The following TCF25 variants were observed in gnomAD, a reference collection of about 807,000 sequenced individuals.
The protein encoded by TCF25 is ribosome quality control complex subunit TCF25.
Under a neutral mutation model 83.1 loss-of-function variants are expected in TCF25, and 41 were observed. That is an observed-to-expected ratio of 0.49 (90% CI 0.38 to 0.64). TCF25 has a LOEUF of 0.64. Among genes scored for constraint, TCF25 ranks in the 30% least tolerant of loss-of-function variants. The pLI, the probability that TCF25 is intolerant of heterozygous loss-of-function variation, is 0.00. For synonymous variants in TCF25, 458 were observed against 365.0 expected, an observed-to-expected ratio of 1.25 and a Z score of -2.90; for missense variants, 979 against 914.5, an observed-to-expected ratio of 1.07 and a Z score of -0.91.
chr16:89,889,156 G>A, intron 5 of TCF25: 1 of 367,062 alleles, frequency 2.7e-6, no homozygotes, highest in Non-Finnish European at 5.2e-6. Flanking sequence ...TCCACCTCTG[G>A]ACTCTCCATC....
At chr16:89,887,148 C>G (rs1399160427) in intron 4 of TCF25, among the ~76,000 whole-genome samples, 1 of 152,102 alleles carries the variant, frequency 6.6e-6, no homozygotes, top group African/African-American at 2.4e-5. Context: ...ATTCTCTTGC[C>G]TCAGTCTCCC....
chr16:89,881,017 C>T (rs1268457860), intron 1 of TCF25, among the ~76,000 whole-genome samples: 2 of 152,320 alleles, frequency 1.3e-5, no homozygotes, highest in Non-Finnish European at 1.5e-5. Context: ...TCAGTGTTTT[C>T]AAGTTAGGGG....
chr16:89,875,878 C>T (rs1335318761), intron 1 of TCF25, among the ~76,000 whole-genome samples: 16 of 144,272 alleles, frequency 1.1e-4, no homozygotes, highest in African/African-American at 4.0e-4. Context: ...CGGTGTTGCC[C>T]AGGCTGGTTG....
Position 89,873,862 on chromosome 16 carries a change from G to A in TCF25, c.192+3G>A. 1 of 1,525,366 alleles carries A rather than the reference G, an allele frequency of 6.6e-7. No homozygotes were observed. Among genetic ancestry groups the A allele is most frequent in the South Asian group, 1.2e-5 (1 of 82,742 alleles). 94.5% of individuals were successfully genotyped at this position (1,525,366 alleles called of 1,614,324 possible). On this transcript the variant is annotated splice_donor_region_variant and intron_variant, in intron 1 of 17. Coordinates refer to ENST00000263346, the MANE Select transcript of TCF25 (RefSeq NM_014972.3). The stretch of plus-strand genomic sequence containing the variant: ...GAGTCAACAACCGCTTCGAGCTGGT[G>A]AGGAGCGCGGCGGCCCGGGTGGGGG...
Position 89,885,902 on chromosome 16 carries a change from G to A in TCF25, c.484G>A (p.Gly162Arg), listed in dbSNP as rs865799940. Residue 162 changes from glycine (G) to arginine (R), a missense_variant, in exon 4 of 18, where the codon GGG becomes AGG. By Grantham distance (125) the Gly-to-Arg change is moderately radical (BLOSUM62 -2). Coordinates refer to ENST00000263346, the MANE Select transcript of TCF25 (RefSeq NM_014972.3). ...RILERIEDST[G>R]LNRPGPAPLS... ...CCTAGAGAGGATTGAGGACAGCACT[G>A]GGTTGAACCGTCCCGGCCCAGCTCC... The A allele has an allele frequency of 6.2e-7, 1 of 1,613,794 alleles. No homozygotes were observed. Among genetic ancestry groups the A allele is most frequent in the Non-Finnish European group, 8.5e-7 (1 of 1,179,916 alleles).
At chr16:89,874,758 C>T (rs1357333774) in intron 1 of TCF25, 3 of 152,196 alleles carry the variant, frequency 2.0e-5, no homozygotes, top group Non-Finnish European at 4.4e-5. Context: ...AGGTGGATGT[C>T]ACCACGCCCG....
At chr16:89,883,260 G>A (rs964609267) in intron 1 of TCF25, 91 bp from the exon 2 acceptor site, 13 of 1,531,866 alleles carry the variant, frequency 8.5e-6, no homozygotes, top group East Asian at 2.3e-5. Context: ...GGTCCCCAAC[G>A]CAAGCCCGTT....
In TCF25 at chr16:89,887,697, G is replaced by A. The variant is rs1268672981; in HGVS notation, c.594G>A (p.Arg198=). 6.3e-7 allele frequency: 1 copy of A among 1,592,422 alleles called. No individual in the cohort carries two copies. Among genetic ancestry groups the A allele is most frequent in the Non-Finnish European group, 8.5e-7 (1 of 1,173,236 alleles). ...DTELKRYFGA[R]AILGEQRPRQ... The stretch of plus-strand genomic sequence containing the variant: ...AACTGAAAAGGTATTTTGGTGCCCG[G>A]GCAATCCTGGGGGAGCAAAGGTAAG... The change falls in exon 5 of 18, where the codon CGG becomes CGA. Residue 198 remains arginine (R), a synonymous_variant. Coordinates refer to ENST00000263346, the MANE Select transcript of TCF25 (RefSeq NM_014972.3).
At position 89,881,257 on chromosome 16, in the gene TCF25, A is replaced by T. The variant is rs529251843; in HGVS notation, c.193-2094A>T. On this transcript the variant is annotated intron_variant, in intron 1 of 17. Coordinates refer to ENST00000263346, the MANE Select transcript of TCF25 (RefSeq NM_014972.3). ...GTCTTCCCAGGTGCAGCCGAGTCTC[A>T]ATTCTGTTTCAGAAACTATCTCAGG... is the stretch of plus-strand genomic sequence containing the variant. Among the ~76,000 whole-genome samples, 23 of 152,156 alleles carry T rather than the reference A, an allele frequency of 1.5e-4. No homozygotes were observed. In the South Asian group the frequency reaches 4.6e-3, roughly 30 times the overall value.
intron 16 of TCF25, 98 bp from the exon 17 acceptor site, chr16:89,910,493 C>T: frequency 1.5e-6 from 2 of 1,307,508 alleles, no homozygotes; most frequent in East Asian, 4.6e-5. Flanking sequence ...CTCCGTGTCC[C>T]TGCGAGGGAG....
intron 1 of TCF25, among the ~76,000 whole-genome samples, chr16:89,882,517 A>G (rs980595047): frequency 8.6e-5 from 13 of 151,942 alleles, no homozygotes; most frequent in African/African-American, 3.1e-4. Context: ...AGCCTGGATG[A>G]CAGAGCGAGA....
At chr16:89,883,002 G>A (rs963071678) in intron 1 of TCF25, among the ~76,000 whole-genome samples, 2 of 152,236 alleles carry the variant, frequency 1.3e-5, no homozygotes, top group African/African-American at 4.8e-5. Flanking sequence ...GAACTTTAAT[G>A]CATTGGCTGA....
chr16:89,883,272 A>G lies in TCF25; in HGVS notation c.193-79A>G, dbSNP rs2042743275. On this transcript the variant is annotated intron_variant, in intron 1 of 17. Transcript: ENST00000263346. ...GGGGGTCCCCAACGCAAGCCCGTTCACATCTCACTATTCATATCTCAGCAT... is the reference window on the plus strand; with the variant it reads ...GGGGGTCCCCAACGCAAGCCCGTTCGCATCTCACTATTCATATCTCAGCAT... 18 of 1,557,838 alleles carry G rather than the reference A, an allele frequency of 1.2e-5. No individual in the cohort carries two copies. The South Asian group carries it at 1.7e-4, about 15-fold the overall frequency.
At chr16:89,883,330 T>A (rs1215458591) in intron 1 of TCF25, 21 bp from the exon 2 acceptor site, 2 of 1,611,268 alleles carry the variant, frequency 1.2e-6, no homozygotes, top group East Asian at 4.5e-5. Context: ...GCCCTGGCTC[T>A]TCTCCAACCT....
At position 89,904,143 on chromosome 16, in the gene TCF25, C is replaced by T. The variant is rs748523556; in HGVS notation, c.1407C>T (p.Cys469=). ...TCCTCCTGCCCCTGCTCGAGTCTTG[C>T]AGTGTGCGGCCCGACGCCAGCGTTT... ...PGVLLPLLES[C]SVRPDASVSS... Residue 469 remains cysteine (C), a synonymous_variant, in exon 13 of 18, where the codon TGC becomes TGT. Coordinates refer to ENST00000263346, the MANE Select transcript of TCF25 (RefSeq NM_014972.3). 39 of 1,607,000 alleles carry T rather than the reference C, an allele frequency of 2.4e-5. No individual in the cohort carries two copies. Among genetic ancestry groups the T allele is most frequent in the Non-Finnish European group, 3.3e-5 (39 of 1,176,982 alleles).
intron 16 of TCF25, among the ~76,000 whole-genome samples, chr16:89,907,603 C>CTTCCTCG (rs2044988894): frequency 6.8e-6 from 1 of 147,122 alleles, no homozygotes; most frequent in Non-Finnish European, 1.5e-5. Flanking sequence ...TTCCCACCTC[C>CTTCCTCG]CAGCTCCCAC....
rs201965634 is a variant in TCF25 at position 89,904,193 on chromosome 16, A to G, written c.1457A>G (p.Asn486Ser). 3.2e-6 allele frequency: 5 copies of G among 1,579,506 alleles called. No homozygotes were observed. Among genetic ancestry groups the G allele is most frequent in the Middle Eastern group, 1.7e-4 (1 of 6,018 alleles). ...TCCAGTCACCGCTTCTTTGGACCCA[A>G]TGCTGAAATAAGGTAAAGAGTGGCT... ...SVSSHRFFGP[N>S]AEISQPPALS... is the part of the protein sequence containing the mutation. Residue 486 changes from asparagine to serine, a missense_variant, in exon 13 of 18, where the codon AAT becomes AGT. Asn to Ser is a conservative substitution (Grantham distance 46, BLOSUM62 1). Coordinates refer to ENST00000263346, the MANE Select transcript of TCF25 (RefSeq NM_014972.3).
intron 6 of TCF25, among the ~76,000 whole-genome samples, chr16:89,893,471 G>T (rs1056079530): frequency 6.6e-6 from 1 of 152,218 alleles, no homozygotes; most frequent in Admixed American, 6.5e-5. Flanking sequence ...TGGGGCTAGA[G>T]CTGTATCCGA....
At chr16:89,908,438 C>T (rs1327431768) in intron 16 of TCF25, among the ~76,000 whole-genome samples, 1 of 149,534 alleles carries the variant, frequency 6.7e-6, no homozygotes, top group African/African-American at 2.5e-5. Context: ...CAGTTCCCAC[C>T]TCCTTCCTCG....
Sources: allele counts gnomAD v4.1 joint callset (sites outside exome capture counted in the v4.1 genomes callset), GRCh38; gene constraint gnomAD v4.1.1; transcripts MANE v1.5; gene names NCBI Gene and HGNC (gene_info 2026-07-23, HGNC 2026-07-21).